Variants in CCDC141 observed in about 807,000 individuals in gnomAD.
CCDC141 encodes the protein coiled-coil domain containing 141.
Under a neutral mutation model 181.0 loss-of-function variants are expected in CCDC141, and 168 were observed. The ratio of observed to expected loss-of-function variants is 0.93; its 90% CI spans 0.82 to 1.05. CCDC141 has a LOEUF of 1.05. CCDC141 is among the 50% of genes least tolerant of loss of function. The probability of loss-of-function intolerance (pLI) is 0.00; values close to 1 mark genes in which losing one functional copy is unlikely to be tolerated. For missense variants in CCDC141, 1,902 were observed against 1,788.5 expected, an observed-to-expected ratio of 1.06 and a Z score of -1.14; for synonymous variants, 666 against 642.3, an observed-to-expected ratio of 1.04 and a Z score of -0.56.
At chr2:178,952,589 C>A (rs944820590) in intron 5 of CCDC141, among the ~76,000 whole-genome samples, 10 of 152,192 alleles carry the variant, frequency 6.6e-5, no homozygotes, top group African/African-American at 2.4e-4. Context: ...CATTCGCATA[C>A]ATTCCAGTTA....
chr2:179,014,486 C>T (rs1281937625), intron 2 of CCDC141, among the ~76,000 whole-genome samples: 1 of 152,078 alleles, frequency 6.6e-6, no homozygotes, highest in East Asian at 1.9e-4. Context: ...AAACAGACAA[C>T]CCACAGAGGG....
chr2:178,816,894 T>C, the CCDC141 span, among the ~76,000 whole-genome samples: 1 of 152,178 alleles, frequency 6.6e-6, no homozygotes, highest in Non-Finnish European at 1.5e-5. Flanking sequence ...GAGTAAATCA[T>C]TGGTTTTCAT....
Position 179,015,611 on chromosome 2 carries a change from T to TATATATCTCATATGTATCTCAC in CCDC141, c.225+31672_225+31673insGTGAGATACATATGAGATATAT, listed in dbSNP as rs1559050245. ...TCTCATATGTATCTCATATATCTCA[T>TATATATCTCATATGTATCTCAC]ATAGCTCATATATATCTCACATATA... is the stretch of plus-strand genomic sequence containing the variant. On this transcript the variant is annotated intron_variant, in intron 2 of 23. Coordinates refer to ENST00000443758, the MANE Select transcript of CCDC141 (RefSeq NM_173648.4). Among the ~76,000 whole-genome samples, 36 of 65,514 alleles carry TATATATCTCATATGTATCTCAC rather than the reference T, an allele frequency of 5.5e-4. 2 individuals are homozygous for TATATATCTCATATGTATCTCAC. Among genetic ancestry groups the TATATATCTCATATGTATCTCAC allele is most frequent in the Admixed American group, 1.3e-3 (6 of 4,766 alleles). The allele number at this position is 65,514 out of a possible 152,430, so 43.0% of individuals were successfully genotyped here.
chr2:178,917,835 C>A lies in CCDC141; in HGVS notation c.1092+878G>T, dbSNP rs73041949. ...CTCAAGACCTGGAGATGGTCCACAG[C>A]CAGATTTCACTCTGGCTGACTTAAA... On this transcript the variant is annotated intron_variant, in intron 7 of 23. Transcript: ENST00000443758. 9.2e-3 allele frequency among the ~76,000 whole-genome samples: 1,397 copies of A among 152,262 alleles called. 16 individuals carry two copies. Among genetic ancestry groups the A allele is most frequent in the African/African-American group, 0.026 (1,081 of 41,536 alleles).
intron 2 of CCDC141, among the ~76,000 whole-genome samples, chr2:179,035,880 G>A (rs944978870): frequency 7.9e-5 from 12 of 152,204 alleles, no homozygotes; most frequent in African/African-American, 2.7e-4. Flanking sequence ...CTCAGGAGGA[G>A]ACATTTCAAA....
chr2:178,961,323 G>A lies in CCDC141; in HGVS notation c.687C>T (p.Asp229=), dbSNP rs965251838. The A allele has an allele frequency of 1.0e-5, 16 of 1,550,418 alleles. No individual in the cohort carries two copies. Among genetic ancestry groups the A allele is most frequent in the Non-Finnish European group, 1.3e-5 (15 of 1,146,944 alleles). ...KVDRLLELLQ[D]RRRQLDKYLK... is the part of the protein sequence containing the mutation. ...AGTACTTGTCTAGTTGTCTTCTCCT[G>A]TCTTGTAGAAGTTCAAGAAGGCGGT... Residue 229 remains aspartate (D), a synonymous_variant, in exon 5 of 24, where the codon GAC becomes GAT. Coordinates refer to ENST00000443758, the MANE Select transcript of CCDC141 (RefSeq NM_173648.4).
At position 179,036,429 on chromosome 2, in the gene CCDC141, T is replaced by C. The variant is rs1302153684; in HGVS notation, c.225+10855A>G. On this transcript the variant is annotated intron_variant, in intron 2 of 23. Coordinates refer to ENST00000443758, the MANE Select transcript of CCDC141 (RefSeq NM_173648.4). Reference sequence around the variant, plus strand: ...GTCTCACATCCACTTGTGAAAACTATGTTTTACAGAATCGGCCAAGGCACT... The same window carrying C: ...GTCTCACATCCACTTGTGAAAACTACGTTTTACAGAATCGGCCAAGGCACT... 1.4e-4 allele frequency among the ~76,000 whole-genome samples: 22 copies of C among 152,226 alleles called. 1 individual carries two copies.
intron 2 of CCDC141, among the ~76,000 whole-genome samples, chr2:178,981,962 C>T (rs1487082145): frequency 1.3e-5 from 2 of 151,258 alleles, no homozygotes; most frequent in Admixed American, 6.6e-5. Flanking sequence ...AAAAAGGGTC[C>T]ATAACTACTG....
At chr2:178,866,907 G>A (rs1685879554) in intron 16 of CCDC141, among the ~76,000 whole-genome samples, 1 of 152,134 alleles carries the variant, frequency 6.6e-6, no homozygotes, top group East Asian at 1.9e-4. Context: ...TGTATTTTTA[G>A]TAGAGACGGA....
Position 179,042,317 on chromosome 2 carries a change from G to A in CCDC141, c.225+4967C>T, listed in dbSNP as rs190723620. On this transcript the variant is annotated intron_variant, in intron 2 of 23. Transcript: ENST00000443758. ...ACAATGTGCCCCAGGATGACTCTTG[G>A]GCAAATAATGAAATTAAGGCAGAAA... Among the ~76,000 whole-genome samples, 514 of 152,202 alleles carry A rather than the reference G, an allele frequency of 3.4e-3. 1 individual carries two copies. Among genetic ancestry groups the A allele is most frequent in the Non-Finnish European group, 5.1e-3 (350 of 68,008 alleles).
Position 178,853,591 on chromosome 2 carries a change from C to T in CCDC141, c.3094G>A (p.Val1032Ile), listed in dbSNP as rs1238092224. The change falls in exon 20 of 24, where the codon GTT becomes ATT. Residue 1032 changes from valine to isoleucine, a missense_variant. Physicochemically the swap from Val to Ile is conservative, Grantham distance 29. Transcript: ENST00000443758. The part of the protein sequence containing the change: ...HFWYEDASAT[V>I]VRVGKYSTEC... ...GTGGAATATTTTCCAACTCTTACAA[C>T]TGTGGCACTTGCATCTTCGTACCAA... The T allele has an allele frequency of 1.2e-6, 2 of 1,613,586 alleles. No individual in the cohort carries two copies. The highest frequency in any genetic ancestry group is 2.2e-5 in the South Asian group (2 of 90,982).
At position 178,837,183 on chromosome 2, in the gene CCDC141, G is replaced by T. The variant is rs760703274; in HGVS notation, c.4036C>A (p.Arg1346=). ...TTATTATCAGCATGCATTTTCTCCC[G>T]TGTTTCTAGCAAACCACCCTGAGCC... is the stretch of plus-strand genomic sequence containing the variant. ...PQAQGGLLET[R]EKMHADNNFT... Residue 1346 remains arginine (R), a synonymous_variant, in exon 23 of 24, where the codon CGG becomes AGG. Coordinates refer to ENST00000443758, the MANE Select transcript of CCDC141 (RefSeq NM_173648.4). 6 of 1,613,928 alleles carry T rather than the reference G, an allele frequency of 3.7e-6. No homozygotes were observed. The highest frequency in any genetic ancestry group is 5.1e-6 in the Non-Finnish European group (6 of 1,179,950).
chr2:178,828,926 CT>C (rs1406064592), downstream of CCDC141, among the ~76,000 whole-genome samples: 2 of 151,954 alleles, frequency 1.3e-5, no homozygotes, highest in Non-Finnish European at 2.9e-5. Context: ...CAATAAAGTT[CT>C]TGTAAAAAGA....
chr2:178,936,991 C>A (rs1689318054), intron 6 of CCDC141, among the ~76,000 whole-genome samples: 1 of 152,082 alleles, frequency 6.6e-6, no homozygotes. Flanking sequence ...GAGCTTTTGA[C>A]CGAGACTATG....
downstream of CCDC141, among the ~76,000 whole-genome samples, chr2:178,827,858 G>A (rs1204261503): frequency 6.6e-6 from 1 of 152,154 alleles, no homozygotes; most frequent in Non-Finnish European, 1.5e-5. Flanking sequence ...TCGTTCAGAA[G>A]GCTAGAAATC....
In CCDC141 at chr2:178,836,952, C is replaced by G. The variant is rs1684500346; in HGVS notation, c.4267G>C (p.Gly1423Arg). 1 of 1,613,788 alleles carries G rather than the reference C, an allele frequency of 6.2e-7. No individual in the cohort carries two copies. Among genetic ancestry groups the G allele is most frequent in the African/African-American group, 1.3e-5 (1 of 74,902 alleles). The change falls in exon 23 of 24, where the codon GGT (glycine) becomes CGT (arginine). Residue 1423 changes from glycine to arginine, a missense_variant. Coordinates refer to ENST00000443758, the MANE Select transcript of CCDC141 (RefSeq NM_173648.4). ...RLLSNVTVME[G>R]SPVTLEVEVT... ...TCAACTTCCAAAGTCACTGGAGAACCTTCCATGACAGTTACATTAGACAGG... is the reference window on the plus strand; with the variant it reads ...TCAACTTCCAAAGTCACTGGAGAACGTTCCATGACAGTTACATTAGACAGG...
At chr2:178,902,242 T>C (rs1220759074) in intron 8 of CCDC141, among the ~76,000 whole-genome samples, 3 of 152,146 alleles carry the variant, frequency 2.0e-5, no homozygotes, top group South Asian at 2.1e-4. Flanking sequence ...CTTCACAGAA[T>C]TGGAAAAAAC....
intron 8 of CCDC141, among the ~76,000 whole-genome samples, chr2:178,903,140 C>G (rs1463087230): frequency 6.7e-6 from 1 of 148,904 alleles, no homozygotes; most frequent in African/African-American, 2.4e-5. Context: ...GAAATAGGAA[C>G]ACTTTTACAC....
At chr2:178,893,276 A>G (rs1687243314) in intron 8 of CCDC141, among the ~76,000 whole-genome samples, 1 of 151,054 alleles carries the variant, frequency 6.6e-6, no homozygotes, top group Admixed American at 6.6e-5. Flanking sequence ...TCAAGAATAG[A>G]CTGCTCTATT....
Sources: gnomAD v4.1 joint callset for allele counts (sites outside exome capture counted in the v4.1 genomes callset) on GRCh38, gnomAD v4.1.1 for gene constraint, MANE v1.5 for transcripts, NCBI Gene and HGNC (gene_info 2026-07-23, HGNC 2026-07-21) for gene names.